The following SORCS1 variants were observed in gnomAD, a reference collection of about 807,000 sequenced individuals.
SORCS1 encodes sortilin related VPS10 domain containing receptor 1.
A neutral mutation model predicts 146.1 loss-of-function variants in SORCS1; 60 were observed. The observed-to-expected ratio is 0.41, with a 90% CI of 0.33 to 0.51. The LOEUF is 0.51. Among genes scored for constraint, SORCS1 ranks in the 20% least tolerant of loss-of-function variants. The pLI is 0.21. For missense variants in SORCS1, 1,352 were observed against 1,487.6 expected (o/e 0.91, Z 1.50); for synonymous variants, 637 against 584.0 (o/e 1.09, Z -1.31).
chr10:106,958,742 G>C (rs1357403866), intron 1 of SORCS1, among the ~76,000 whole-genome samples: 1 of 152,150 alleles, frequency 6.6e-6, no homozygotes, highest in African/African-American at 2.4e-5. Context: ...ACATCAGATG[G>C]CATGCCTGTG....
At chr10:106,731,079 G>T (rs970881814) in intron 5 of SORCS1, among the ~76,000 whole-genome samples, 4 of 151,618 alleles carry the variant, frequency 2.6e-5, no homozygotes, top group Non-Finnish European at 5.9e-5. Context: ...GGAGGCTGAG[G>T]TGGGCGGATC....
chr10:107,028,483 A>G (rs186559091), intron 1 of SORCS1, among the ~76,000 whole-genome samples: 1 of 152,348 alleles, frequency 6.6e-6, no homozygotes, highest in East Asian at 1.9e-4. Context: ...AATTTTAGTC[A>G]CTACAATACA....
At chr10:107,072,800 G>A (rs1344108324) in intron 1 of SORCS1, among the ~76,000 whole-genome samples, 1 of 148,706 alleles carries the variant, frequency 6.7e-6, no homozygotes. Flanking sequence ...TTGAATAATT[G>A]CCCAGAAACT....
chr10:107,076,984 T>G (rs189109663), intron 1 of SORCS1, among the ~76,000 whole-genome samples: 26 of 152,326 alleles, frequency 1.7e-4, no homozygotes, highest in Admixed American at 5.9e-4. Context: ...TTACCTGTTA[T>G]GCTATTTCAA....
intron 19 of SORCS1, among the ~76,000 whole-genome samples, chr10:106,628,140 T>A (rs1404290137): frequency 6.6e-6 from 1 of 152,202 alleles, no homozygotes; most frequent in African/African-American, 2.4e-5. Context: ...AAGGAGTGCA[T>A]GTTTCTTTGA....
intron 2 of SORCS1, among the ~76,000 whole-genome samples, chr10:106,925,316 T>G (rs1952959987): frequency 6.6e-6 from 1 of 152,180 alleles, no homozygotes; most frequent in Non-Finnish European, 1.5e-5. Context: ...CTGCCCTCTC[T>G]GCATGATTAG....
intron 2 of SORCS1, among the ~76,000 whole-genome samples, chr10:106,878,645 T>C (rs1950691847): frequency 7.1e-6 from 1 of 140,588 alleles, no homozygotes; most frequent in Admixed American, 7.2e-5. Context: ...TATATATATA[T>C]ATATTTTATA....
intron 19 of SORCS1, among the ~76,000 whole-genome samples, chr10:106,621,825 C>A (rs1847766150): frequency 6.6e-6 from 1 of 152,124 alleles, no homozygotes; most frequent in Non-Finnish European, 1.5e-5. Flanking sequence ...GCTCACCCTC[C>A]CTAATCTGGC....
intron 3 of SORCS1, among the ~76,000 whole-genome samples, chr10:106,791,576 G>A (rs552695614): frequency 1.3e-5 from 2 of 152,244 alleles, no homozygotes; most frequent in South Asian, 2.1e-4. Context: ...GTGCACAGCT[G>A]TAGTCCTAGC....
At chr10:106,709,387 T>C (rs768676705) in intron 6 of SORCS1, 46 bp from the exon 7 acceptor site, 15 of 1,089,016 alleles carry the variant, frequency 1.4e-5, no homozygotes, top group Non-Finnish European at 1.8e-5. Flanking sequence ...GAGGGGGATA[T>C]ACAGACAGAG....
chr10:106,921,924 A>G (rs1952732247), intron 2 of SORCS1, among the ~76,000 whole-genome samples: 1 of 152,174 alleles, frequency 6.6e-6, no homozygotes, highest in African/African-American at 2.4e-5. Flanking sequence ...CCTTATTCCC[A>G]TAAGGGAAAT....
At chr10:106,802,899 G>C (rs1946980082) in intron 3 of SORCS1, among the ~76,000 whole-genome samples, 1 of 152,184 alleles carries the variant, frequency 6.6e-6, no homozygotes, top group Non-Finnish European at 1.5e-5. Context: ...CCTCCCAAAA[G>C]GGATTACAGG....
Position 106,899,297 on chromosome 10 carries a change from A to C in SORCS1, c.626+57216T>G, listed in dbSNP as rs548361569. Among the ~76,000 whole-genome samples, 265 of 152,308 alleles carry C rather than the reference A, an allele frequency of 1.7e-3. 1 individual carries two copies. The highest frequency in any genetic ancestry group is 3.5e-3 in the Non-Finnish European group (240 of 68,036). On this transcript the variant is annotated intron_variant, in intron 2 of 25. Transcript: ENST00000263054. ...ATGGGTTTGGCAAGAAAAGTAAAAC[A>C]TTCTCTATGTAGACTGAGAACTAAA...
At chr10:106,958,144 AGT>A (rs1455806987) in intron 1 of SORCS1, among the ~76,000 whole-genome samples, 1 of 152,244 alleles carries the variant, frequency 6.6e-6, no homozygotes, top group Admixed American at 6.5e-5. Context: ...TCCACAGAGC[AGT>A]GTGTGTTCCT....
chr10:106,806,795 G>C (rs995871931), intron 3 of SORCS1, among the ~76,000 whole-genome samples: 5 of 152,038 alleles, frequency 3.3e-5, no homozygotes, highest in Non-Finnish European at 7.4e-5. Context: ...GATTACAGGC[G>C]TGAGCCACCG....
At chr10:107,032,719 G>A (rs1022533118) in intron 1 of SORCS1, among the ~76,000 whole-genome samples, 3 of 152,182 alleles carry the variant, frequency 2.0e-5, no homozygotes, top group African/African-American at 7.2e-5. Flanking sequence ...GCAGGGAAAT[G>A]ACAACAGAGC....
intron 1 of SORCS1, among the ~76,000 whole-genome samples, chr10:107,081,659 C>T (rs960128118): frequency 6.6e-6 from 1 of 151,752 alleles, no homozygotes; most frequent in African/African-American, 2.4e-5. Flanking sequence ...ATTTTTGAGA[C>T]AGTAAATATA....
chr10:106,579,212 A>T (rs759563031), intron 25 of SORCS1, 157 bp downstream of exon 25: 1 of 1,614,068 alleles, frequency 6.2e-7, no homozygotes, highest in South Asian at 1.1e-5. Flanking sequence ...GTTCTTTCTC[A>T]TTCTGCATCT....
chr10:106,912,703 G>A (rs1952224626), intron 2 of SORCS1, among the ~76,000 whole-genome samples: 1 of 152,004 alleles, frequency 6.6e-6, no homozygotes, highest in Non-Finnish European at 1.5e-5. Context: ...TTTTTTAATG[G>A]AGTCTCATTC....
Sources: gnomAD v4.1 joint callset for allele counts (sites outside exome capture counted in the v4.1 genomes callset) on GRCh38, gnomAD v4.1.1 for gene constraint, MANE v1.5 for transcripts, NCBI Gene and HGNC (gene_info 2026-07-23, HGNC 2026-07-21) for gene names.